DCAF12L1: variants seen among roughly 807,000 people sequenced by gnomAD.
DCAF12L1 encodes DDB1 and CUL4 associated factor 12 like 1, also known as DDB1- and CUL4-associated factor 12-like protein 1.
For synonymous variants in DCAF12L1, 218 were observed against 196.4 expected (o/e 1.11, Z -0.92); for missense variants, 251 against 409.2 (o/e 0.61, Z 3.34).
At position 126,550,673 on chromosome X, in the gene DCAF12L1, TTAAG is replaced by T. The variant is rs1344983882; in HGVS notation, c.*453_*456del. 3.1e-4 allele frequency: 35 copies of T among 112,744 alleles called. No homozygotes were observed. The highest frequency in any genetic ancestry group is 1.9e-5 in the Non-Finnish European group (1 of 53,422). 9.3% of individuals were successfully genotyped at this position (112,744 alleles called of 1,213,427 possible). On this transcript the variant is annotated 3_prime_UTR_variant, in exon 2 of 2. Transcript: ENST00000371126. ...ATACACTAAGATCACAATTTGTAAA[TTAAG>T]TGTTTCCAAACGTAGGTAATCTAGA... is the stretch of plus-strand genomic sequence containing the variant.
At position 126,549,961 on chromosome X, in the gene DCAF12L1, T is replaced by C. The variant is rs982805875; in HGVS notation, c.*1169A>G. On this transcript the variant is annotated 3_prime_UTR_variant, in exon 2 of 2. Coordinates refer to ENST00000371126, the MANE Select transcript of DCAF12L1 (RefSeq NM_178470.5). ...TTCTTCAACCTCATCCTATTTATTT[T>C]AAATCTCACCTATCTTGAAACGAAC... is the stretch of plus-strand genomic sequence containing the variant. 8.9e-6 allele frequency: 1 copy of C among 112,417 alleles called. No homozygotes were observed. The highest frequency in any genetic ancestry group is 3.2e-5 in the African/African-American group (1 of 30,958). The allele number at this position is 112,417 out of a possible 1,213,427, so 9.3% of individuals were successfully genotyped here.
In DCAF12L1 at chrX:126,551,310, G is replaced by A. The variant is rs374312816; in HGVS notation, c.1299C>T (p.Thr433=). The A allele has an allele frequency of 9.9e-6, 12 of 1,209,410 alleles. No homozygotes were observed. The African/African-American group carries it at 1.8e-4, about 18-fold the overall frequency. ...TCATCTCAGGCCAGTTGTAGCAGTG[G>A]GTGTAGAGCGCATTGGGAAACACTT... ...GMEVFPNALY[T]HCYNWPEMKL... The change falls in exon 1 of 2, where the codon ACC becomes ACT. Residue 433 remains threonine, a synonymous_variant. Transcript: ENST00000371126.
In DCAF12L1 at chrX:126,552,012, G is replaced by A. The variant is rs369328900; in HGVS notation, c.597C>T (p.Ala199=). Reference sequence around the variant, plus strand: ...CTACGGTGTCACTCAGCCAGGCGACGGCGAAGATCCAGTCCTTGTGGCCAT... The same window carrying A: ...CTACGGTGTCACTCAGCCAGGCGACAGCGAAGATCCAGTCCTTGTGGCCAT... ...DRHGHKDWIF[A]VAWLSDTVAV... is the part of the protein sequence containing the mutation. The change falls in exon 1 of 2, where the codon GCC becomes GCT. Residue 199 remains alanine, a synonymous_variant. Coordinates refer to ENST00000371126, the MANE Select transcript of DCAF12L1 (RefSeq NM_178470.5). 96 of 1,211,637 alleles carry A rather than the reference G, an allele frequency of 7.9e-5. No homozygotes were observed. The East Asian group carries it at 2.7e-3, about 34-fold the overall frequency.
chrX:126,552,203 A>G lies in DCAF12L1; in HGVS notation c.406T>C (p.Leu136=). The change falls in exon 1 of 2, where the codon TTG becomes CTG. Residue 136 remains leucine, a synonymous_variant. Transcript: ENST00000371126. ...ESGHIARIPL[L]RDSEARLAQD... ...GCCAGCCTGGCCTCACTGTCCCGCAAGAGGGGAATGCGCGCGATGTGGCCT... is the reference window on the plus strand; with the variant it reads ...GCCAGCCTGGCCTCACTGTCCCGCAGGAGGGGAATGCGCGCGATGTGGCCT... The G allele has an allele frequency of 3.3e-6, 4 of 1,212,574 alleles. No individual in the cohort carries two copies. Among genetic ancestry groups the G allele is most frequent in the Non-Finnish European group, 3.3e-6 (3 of 895,667 alleles).
In DCAF12L1 at chrX:126,551,724, T is replaced by C; in HGVS notation, c.885A>G (p.Leu295=). Residue 295 remains leucine, a synonymous_variant, in exon 1 of 2, where the codon CTA becomes CTG. Coordinates refer to ENST00000371126, the MANE Select transcript of DCAF12L1 (RefSeq NM_178470.5). Reference sequence around the variant, plus strand: ...GCAGCCTGATGGACAGCAGCCTGGATAGTGCGCTCCCGGCTTTCCACAGGT... The same window carrying C: ...GCAGCCTGATGGACAGCAGCCTGGACAGTGCGCTCCCGGCTTTCCACAGGT... ...YFHLWKAGSA[L]SRLLSIRLPY... 8.3e-7 allele frequency: 1 copy of C among 1,212,005 alleles called. No homozygotes were observed. The highest frequency in any genetic ancestry group is 1.1e-6 in the Non-Finnish European group (1 of 895,592).
chrX:126,550,673 TTA>T lies in DCAF12L1; in HGVS notation c.*455_*456del, dbSNP rs1358837136. The T allele has an allele frequency of 1.8e-5, 2 of 112,691 alleles. No individual in the cohort carries two copies. The highest frequency in any genetic ancestry group is 6.5e-5 in the African/African-American group (2 of 30,895). The allele number at this position is 112,691 out of a possible 1,213,427, so 9.3% of individuals were successfully genotyped here. A position where few individuals can be genotyped will look rare whatever the true frequency, so the allele number is the denominator to read the frequency against. On this transcript the variant is annotated 3_prime_UTR_variant, in exon 2 of 2. Transcript: ENST00000371126. Reference sequence around the variant, plus strand: ...ATACACTAAGATCACAATTTGTAAATTAAGTGTTTCCAAACGTAGGTAATCTA... The same window carrying T: ...ATACACTAAGATCACAATTTGTAAATAGTGTTTCCAAACGTAGGTAATCTA...
rs910480826 is a variant in DCAF12L1, at chrX:126,549,921, C to T, written c.*1209G>A. 58 of 112,140 alleles carry T rather than the reference C, an allele frequency of 5.2e-4. No homozygotes were observed. The highest frequency in any genetic ancestry group is 1.3e-3 in the African/African-American group (40 of 30,921). The allele number at this position is 112,140 out of a possible 1,213,427, so 9.2% of individuals were successfully genotyped here. Reference sequence around the variant, plus strand: ...GCAGTCCACAATTTATATTTATCTGCGCTCCAATATACTTTTCTTCAACCT... The same window carrying T: ...GCAGTCCACAATTTATATTTATCTGTGCTCCAATATACTTTTCTTCAACCT... On this transcript the variant is annotated 3_prime_UTR_variant, in exon 2 of 2. Coordinates refer to ENST00000371126, the MANE Select transcript of DCAF12L1 (RefSeq NM_178470.5).
Position 126,550,249 on chromosome X carries a change from C to A in DCAF12L1, c.*881G>T, listed in dbSNP as rs1927439382. 1 of 112,013 alleles carries A rather than the reference C, an allele frequency of 8.9e-6. No homozygotes were observed. Among genetic ancestry groups the A allele is most frequent in the Non-Finnish European group, 1.9e-5 (1 of 53,116 alleles). The allele number at this position is 112,013 out of a possible 1,213,427, so 9.2% of individuals were successfully genotyped here. ...CAACAGCAAAAATATCTAGTCTATA[C>A]CCTGGATCAGTATACATTCTGCCCA... is the stretch of plus-strand genomic sequence containing the variant. On this transcript the variant is annotated 3_prime_UTR_variant, in exon 2 of 2. Transcript: ENST00000371126.
In DCAF12L1 at chrX:126,550,970, C is replaced by T. The variant is rs1927449931; in HGVS notation, c.*160G>A. The T allele has an allele frequency of 2.9e-6, 1 of 341,605 alleles. No individual in the cohort carries two copies. Among genetic ancestry groups the T allele is most frequent in the African/African-American group, 2.6e-5 (1 of 38,487 alleles). The allele number at this position is 341,605 out of a possible 1,213,427, so 28.2% of individuals were successfully genotyped here. A position where few individuals can be genotyped will look rare whatever the true frequency, so the allele number is the denominator to read the frequency against. On this transcript the variant is annotated 3_prime_UTR_variant, in exon 2 of 2. Transcript: ENST00000371126. The stretch of plus-strand genomic sequence containing the variant: ...AATGCAACTAAAGATTAACGATTAA[C>T]CAAATTTCTTTGTATGAAAATTCCA...
Position 126,551,606 on chromosome X carries a change from G to A in DCAF12L1, c.1003C>T (p.Arg335Cys). Reference protein sequence around the residue: ...SHSHVSFLDLRQDQQNIRPLC... With the variant: ...SHSHVSFLDLCQDQQNIRPLC... ...GGCCGGATGTTCTGCTGGTCCTGGC[G>A]CAGATCCAGGAAAGAGACGTGGGAA... The change falls in exon 1 of 2, where the codon CGC becomes TGC. Residue 335 changes from arginine to cysteine, a missense_variant. Physicochemically the swap from Arg to Cys is radical, Grantham distance 180. Transcript: ENST00000371126. 1 of 1,211,339 alleles carries A rather than the reference G, an allele frequency of 8.3e-7. No individual in the cohort carries two copies. Among genetic ancestry groups the A allele is most frequent in the Non-Finnish European group, 1.1e-6 (1 of 895,418 alleles).
In DCAF12L1 at chrX:126,551,727, T is replaced by G. The variant is rs779654291; in HGVS notation, c.882A>C (p.Ala294=). 1 of 1,212,024 alleles carries G rather than the reference T, an allele frequency of 8.3e-7. No individual in the cohort carries two copies. The highest frequency in any genetic ancestry group is 3.0e-5 in the East Asian group (1 of 33,820). The part of the protein sequence containing the change: ...GYFHLWKAGS[A]LSRLLSIRLP... ...GCCTGATGGACAGCAGCCTGGATAG[T>G]GCGCTCCCGGCTTTCCACAGGTGGA... The change falls in exon 1 of 2, where the codon GCA becomes GCC. Residue 294 remains alanine (A), a synonymous_variant. Transcript: ENST00000371126.
chrX:126,552,501 C>T lies in DCAF12L1; in HGVS notation c.108G>A (p.Pro36=). 2.5e-6 allele frequency: 3 copies of T among 1,209,823 alleles called. No homozygotes were observed. The highest frequency in any genetic ancestry group is 3.4e-6 in the Non-Finnish European group (3 of 895,235). ...QGLAAADGEG[P]LLLKRQRRPA... ...GCCGCCTCTGCCTCTTGAGTAGCAGCGGCCCCTCACCGTCCGCTGCCGCCA... is the reference window on the plus strand; with the variant it reads ...GCCGCCTCTGCCTCTTGAGTAGCAGTGGCCCCTCACCGTCCGCTGCCGCCA... Residue 36 remains proline, a synonymous_variant, in exon 1 of 2, where the codon CCG becomes CCA. Coordinates refer to ENST00000371126, the MANE Select transcript of DCAF12L1 (RefSeq NM_178470.5).
rs1470251481 is a variant in DCAF12L1, at chrX:126,552,243, C to T, written c.366G>A (p.Val122=). ...CGATGTGGCCTGACTCCACGTCCAC[C>T]ACGAAAAGCGTGTTACACTTGGTGC... ...VCGTKCNTLF[V]VDVESGHIAR... is the part of the protein sequence containing the mutation. Residue 122 remains valine, a synonymous_variant, in exon 1 of 2, where the codon GTG becomes GTA. Transcript: ENST00000371126. 4.9e-6 allele frequency: 6 copies of T among 1,212,521 alleles called. No homozygotes were observed. Among genetic ancestry groups the T allele is most frequent in the Non-Finnish European group, 6.7e-6 (6 of 895,664 alleles).
rs370562344 is a variant in DCAF12L1, at chrX:126,552,340, C to T, written c.269G>A (p.Arg90His). The T allele has an allele frequency of 3.3e-6, 4 of 1,211,047 alleles. No homozygotes were observed. The highest frequency in any genetic ancestry group is 3.5e-5 in the African/African-American group (2 of 57,674). ...GTTGACCGTGCCCAGCTCCAGTTGG[C>T]GCTCCGTCAGCAGCTCGGGCAGCCT... ...VQRLPELLTE[R>H]QLELGTVNKV... The change falls in exon 1 of 2, where the codon CGC (arginine) becomes CAC (histidine). Residue 90 changes from arginine (R) to histidine (H), a missense_variant. Arg to His is a conservative substitution (Grantham distance 29). Coordinates refer to ENST00000371126, the MANE Select transcript of DCAF12L1 (RefSeq NM_178470.5).
At position 126,552,132 on chromosome X, in the gene DCAF12L1, G is replaced by A. The variant is rs149373470; in HGVS notation, c.477C>T (p.Pro159=). 3.3e-4 allele frequency: 394 copies of A among 1,211,499 alleles called. No individual in the cohort carries two copies. The highest frequency in any genetic ancestry group is 4.2e-4 in the Non-Finnish European group (373 of 895,484). The part of the protein sequence containing the change: ...GCGIHAIELN[P]SKTLLATGGE... ...CGCCGGTGGCCAGAAGCGTCTTGGA[G>A]GGATTCAGCTCGATGGCATGGATGC... The change falls in exon 1 of 2, where the codon CCC becomes CCT. Residue 159 remains proline (P), a synonymous_variant. Transcript: ENST00000371126.
In DCAF12L1 at chrX:126,550,602, A is replaced by G. The variant is rs1046459613; in HGVS notation, c.*528T>C. The G allele has an allele frequency of 8.9e-6, 1 of 112,741 alleles. No homozygotes were observed. The highest frequency in any genetic ancestry group is 3.2e-5 in the African/African-American group (1 of 30,958). The allele number at this position is 112,741 out of a possible 1,213,427, so 9.3% of individuals were successfully genotyped here. A position where few individuals can be genotyped will look rare whatever the true frequency, so the allele number is the denominator to read the frequency against. Reference sequence around the variant, plus strand: ...TCTATGATAACTTATTTTGAAAGAGAATAAACTTCAAAAAAGCACTTTAGC... The same window carrying G: ...TCTATGATAACTTATTTTGAAAGAGGATAAACTTCAAAAAAGCACTTTAGC... On this transcript the variant is annotated 3_prime_UTR_variant, in exon 2 of 2. Transcript: ENST00000371126.
rs1927435603 is a variant in DCAF12L1, at chrX:126,549,972, T to C, written c.*1158A>G. The C allele has an allele frequency of 8.9e-6, 1 of 112,454 alleles. No individual in the cohort carries two copies. Among genetic ancestry groups the C allele is most frequent in the African/African-American group, 3.2e-5 (1 of 30,965 alleles). The allele number at this position is 112,454 out of a possible 1,213,427, so 9.3% of individuals were successfully genotyped here. The stretch of plus-strand genomic sequence containing the variant: ...CATCCTATTTATTTTAAATCTCACC[T>C]ATCTTGAAACGAACTTCCTGTGTTC... On this transcript the variant is annotated 3_prime_UTR_variant, in exon 2 of 2. Transcript: ENST00000371126.
At position 126,551,265 on chromosome X, in the gene DCAF12L1, C is replaced by G. The variant is rs762428888; in HGVS notation, c.1344G>C (p.Gly448=). Residue 448 remains glycine (G), a synonymous_variant, in exon 1 of 2, where the codon GGG becomes GGC. Transcript: ENST00000371126. ...TCCCATGGAGGCCTGCAGGGAGAGGCCCCCCAGCCACAAAGAGCTTCATCT... is the reference window on the plus strand; with the variant it reads ...TCCCATGGAGGCCTGCAGGGAGAGGGCCCCCAGCCACAAAGAGCTTCATCT... ...WPEMKLFVAG[G]PLPAGLHGNY... 9.1e-6 allele frequency: 11 copies of G among 1,208,975 alleles called. No homozygotes were observed. In the Admixed American group the frequency reaches 2.4e-4, roughly 26 times the overall value.
Position 126,551,495 on chromosome X carries a change from G to A in DCAF12L1, c.1114C>T (p.Leu372=). The A allele has an allele frequency of 8.3e-7, 1 of 1,211,700 alleles. No individual in the cohort carries two copies. Among genetic ancestry groups the A allele is most frequent in the Non-Finnish European group, 1.1e-6 (1 of 895,556 alleles). ...IITVGTGQGS[L]LFYDVRAQKF... The stretch of plus-strand genomic sequence containing the variant: ...TGGGCCCGGACGTCATAGAAGAGCA[G>A]GGAGCCCTGACCGGTGCCCACAGTG... The change falls in exon 1 of 2, where the codon CTG becomes TTG. Residue 372 remains leucine (L), a synonymous_variant. Coordinates refer to ENST00000371126, the MANE Select transcript of DCAF12L1 (RefSeq NM_178470.5).
Sources: gnomAD v4.1 joint callset for allele counts on GRCh38, gnomAD v4.1.1 for gene constraint, MANE v1.5 for transcripts, NCBI Gene and HGNC (gene_info 2026-07-23, HGNC 2026-07-21) for gene names.